Variants in CX3CL1 observed in about 807,000 individuals in gnomAD.
The protein encoded by CX3CL1 is fractalkine.
A neutral mutation model predicts 14.1 loss-of-function variants in CX3CL1; 1 was observed. The observed-to-expected ratio is 0.07, with a 90% CI of 0.03 to 0.34. CX3CL1 has a LOEUF of 0.34. Ranked by LOEUF, CX3CL1 falls within the 10% of genes least tolerant of loss-of-function variation. The pLI, the probability that CX3CL1 is intolerant of heterozygous loss-of-function variation, is 0.99. For synonymous variants in CX3CL1, 255 were observed against 229.6 expected, an observed-to-expected ratio of 1.11 and a Z score of -1.00; for missense variants, 505 against 536.4, an observed-to-expected ratio of 0.94 and a Z score of 0.58.
At chr16:57,372,680 C>A in intron 1 of CX3CL1, 42 bp downstream of exon 1, 1 of 1,602,642 alleles carries the variant, frequency 6.2e-7, no homozygotes, top group Non-Finnish European at 8.5e-7. Context: ...GTAGGGAGCC[C>A]CCAGCCCCTT....
intron 1 of CX3CL1, among the ~76,000 whole-genome samples, chr16:57,374,654 C>G (rs1165262702): frequency 1.3e-5 from 2 of 152,088 alleles, no homozygotes; most frequent in African/African-American, 2.4e-5. Context: ...TCCATTCATT[C>G]AACAAATAGT....
intron 1 of CX3CL1, 146 bp downstream of exon 1, chr16:57,372,784 G>A: frequency 2.7e-6 from 2 of 739,050 alleles, no homozygotes; most frequent in Admixed American, 2.6e-5. Flanking sequence ...TGTGCGAGAG[G>A]GGGCTGGGCA....
In CX3CL1 at chr16:57,372,510, T is replaced by C. The variant is rs1454110975; in HGVS notation, c.-59T>C. On this transcript the variant is annotated 5_prime_UTR_variant, in exon 1 of 3. Transcript: ENST00000006053. ...GCGGCAAGGGGACAGCACTGAGCTC[T>C]GCCGCCTGGCTCTAGCCGCCTGCCT... The C allele has an allele frequency of 4.5e-6, 7 of 1,539,446 alleles. No homozygotes were observed. Among genetic ancestry groups the C allele is most frequent in the African/African-American group, 1.4e-5 (1 of 73,658 alleles).
chr16:57,382,470 C>A lies in CX3CL1; in HGVS notation c.632C>A (p.Ala211Asp). The change falls in exon 3 of 3, where the codon GCT (alanine) becomes GAT (aspartate). Residue 211 changes from alanine to aspartate, a missense_variant. Ala to Asp is a moderately radical substitution (Grantham distance 126). Coordinates refer to ENST00000006053, the MANE Select transcript of CX3CL1 (RefSeq NM_002996.6). The surrounding 1 kb of genome is among the most constrained non-coding windows in gnomAD (Gnocchi z 6.9). ...CACCAACCTGGGCCCAGCCTCTGGGCTGAGGCAAAGACCTCTGAGGCCCCG... is the reference window on the plus strand; with the variant it reads ...CACCAACCTGGGCCCAGCCTCTGGGATGAGGCAAAGACCTCTGAGGCCCCG... Reference protein sequence around the residue: ...APHQPGPSLWAEAKTSEAPST... With the variant: ...APHQPGPSLWDEAKTSEAPST... 6.2e-7 allele frequency: 1 copy of A among 1,612,724 alleles called. No individual in the cohort carries two copies. The highest frequency in any genetic ancestry group is 2.2e-5 in the East Asian group (1 of 44,864).
At chr16:57,379,384 G>C in intron 1 of CX3CL1, 1 of 496,836 alleles carries the variant, frequency 2.0e-6, no homozygotes, top group Middle Eastern at 5.1e-4. Flanking sequence ...CTATAAATAA[G>C]AATTCACGTT....
chr16:57,376,085 C>T (rs537063791), intron 1 of CX3CL1, among the ~76,000 whole-genome samples: 21 of 152,298 alleles, frequency 1.4e-4, no homozygotes, highest in African/African-American at 5.1e-4. Flanking sequence ...ACATGCTGGA[C>T]ACAGGGTCCA....
In CX3CL1 at chr16:57,383,122, G is replaced by A. The variant is rs1902358863; in HGVS notation, c.*90G>A. On this transcript the variant is annotated 3_prime_UTR_variant, in exon 3 of 3. Coordinates refer to ENST00000006053, the MANE Select transcript of CX3CL1 (RefSeq NM_002996.6). Reference sequence around the variant, plus strand: ...CCACCCCCACCCAAGGGCCTGGCCTGAGCTGGGATGATTGGAGGGGGGAGG... The same window carrying A: ...CCACCCCCACCCAAGGGCCTGGCCTAAGCTGGGATGATTGGAGGGGGGAGG... 1 of 1,209,126 alleles carries A rather than the reference G, an allele frequency of 8.3e-7. No homozygotes were observed. The highest frequency in any genetic ancestry group is 1.1e-6 in the Non-Finnish European group (1 of 929,394). 74.9% of individuals were successfully genotyped at this position (1,209,126 alleles called of 1,614,324 possible). A position where few individuals can be genotyped will look rare whatever the true frequency, so the allele number is the denominator to read the frequency against.
intron 1 of CX3CL1, among the ~76,000 whole-genome samples, chr16:57,373,954 A>G (rs778410613): frequency 7.2e-5 from 11 of 151,822 alleles, no homozygotes; most frequent in Non-Finnish European, 1.0e-4. Context: ...AAGCTGAGAG[A>G]GGGAAGGGTC....
intron 1 of CX3CL1, among the ~76,000 whole-genome samples, chr16:57,373,563 T>G (rs1675993048): frequency 1.3e-5 from 2 of 152,118 alleles, no homozygotes; most frequent in African/African-American, 4.8e-5. Flanking sequence ...ACACAGCAAG[T>G]CTGGGAGAAT....
In CX3CL1 at chr16:57,382,847, G is replaced by A; in HGVS notation, c.1009G>A (p.Ala337Thr). ...LITPVPDAQAATRRQAVGLLA... is the reference protein window; with the variant it reads ...LITPVPDAQATTRRQAVGLLA... ...CACTCCTGTCCCTGACGCCCAGGCT[G>A]CCACCCGGAGGCAGGCGGTGGGGCT... Residue 337 changes from alanine to threonine, a missense_variant, in exon 3 of 3, where the codon GCC becomes ACC. By Grantham distance (58) the Ala-to-Thr change is moderately conservative. Coordinates refer to ENST00000006053, the MANE Select transcript of CX3CL1 (RefSeq NM_002996.6). This position sits in a 1 kb window ranked among gnomAD's most constrained non-coding sequence, Gnocchi z 6.9. 3 of 1,559,138 alleles carry A rather than the reference G, an allele frequency of 1.9e-6. No individual in the cohort carries two copies. Among genetic ancestry groups the A allele is most frequent in the African/African-American group, 1.4e-5 (1 of 73,452 alleles).
Position 57,382,010 on chromosome 16 carries a change from C to A in CX3CL1, c.192-20C>A. The A allele has an allele frequency of 6.4e-7, 1 of 1,555,674 alleles. No individual in the cohort carries two copies. The highest frequency in any genetic ancestry group is 1.2e-5 in the South Asian group (1 of 82,654). On this transcript the variant is annotated intron_variant, in intron 2 of 2. Coordinates refer to ENST00000006053, the MANE Select transcript of CX3CL1 (RefSeq NM_002996.6). The surrounding 1 kb of genome is among the most constrained non-coding windows in gnomAD (Gnocchi z 6.9). ...TCTGGTATCTGGGCATAACCGAATCCCTGTCTTCCTCCCTTGTAGCTTGGA... is the reference window on the plus strand; with the variant it reads ...TCTGGTATCTGGGCATAACCGAATCACTGTCTTCCTCCCTTGTAGCTTGGA...
intron 1 of CX3CL1, among the ~76,000 whole-genome samples, chr16:57,376,440 GTGGATGGATGGA>G (rs56202816): frequency 2.8e-4 from 40 of 145,218 alleles, no homozygotes; most frequent in East Asian, 1.4e-3. Context: ...GAATCAGGAA[GTGGATGGATGGA>G]TGGATGGATG....
At chr16:57,375,264 G>A (rs914375881) in intron 1 of CX3CL1, among the ~76,000 whole-genome samples, 1 of 152,168 alleles carries the variant, frequency 6.6e-6, no homozygotes, top group Non-Finnish European at 1.5e-5. Context: ...AGTTTGGAGC[G>A]GGGTGAGGGC....
At chr16:57,379,464 G>A (rs1902289202) in intron 1 of CX3CL1, 170 bp from the exon 2 acceptor site, 1 of 625,384 alleles carries the variant, frequency 1.6e-6, no homozygotes, top group African/African-American at 1.8e-5. Context: ...GGGAAACTGA[G>A]GCATAGAGAA....
intron 2 of CX3CL1, 83 bp downstream of exon 2, chr16:57,379,837 T>A (rs1376017975): frequency 1.3e-6 from 2 of 1,524,742 alleles, no homozygotes; most frequent in East Asian, 4.5e-5. Flanking sequence ...CGTCCACACC[T>A]CCGCTCCCAG....
At position 57,383,048 on chromosome 16, in the gene CX3CL1, G is replaced by C; in HGVS notation, c.*16G>C. ...GCCCGTGTGAACTCCTCTGGCCTGT[G>C]TCTAGTTGTTTGATTCAGACAGCTG... On this transcript the variant is annotated 3_prime_UTR_variant, in exon 3 of 3. Coordinates refer to ENST00000006053, the MANE Select transcript of CX3CL1 (RefSeq NM_002996.6). 7.1e-7 allele frequency: 1 copy of C among 1,399,732 alleles called. No homozygotes were observed. Among genetic ancestry groups the C allele is most frequent in the Non-Finnish European group, 9.4e-7 (1 of 1,069,098 alleles). 86.7% of individuals were successfully genotyped at this position (1,399,732 alleles called of 1,614,324 possible).
Position 57,382,797 on chromosome 16 carries a change from A to C in CX3CL1, c.959A>C (p.Asp320Ala), listed in dbSNP as rs1902350202. The C allele has an allele frequency of 6.2e-7, 1 of 1,604,134 alleles. No homozygotes were observed. The highest frequency in any genetic ancestry group is 1.7e-5 in the Admixed American group (1 of 59,528). The change falls in exon 3 of 3, where the codon GAC becomes GCC. Residue 320 changes from aspartate to alanine, a missense_variant. Transcript: ENST00000006053. This position sits in a 1 kb window ranked among gnomAD's most constrained non-coding sequence, Gnocchi z 6.9. ...GAGGAACCCATCCATGCCACCATGG[A>C]CCCCCAGAGGCTGGGCGTCCTTATC... ...KAEEPIHATM[D>A]PQRLGVLITP...
chr16:57,378,458 C>CTTTTTTTTTTTTTTTTTTT (rs56677006), intron 1 of CX3CL1: 1 of 145,256 alleles, frequency 6.9e-6, no homozygotes. Flanking sequence ...CAAGAGATCT[C>CTTTTTTTTTTTTTTTTTTT]TTTTTTTTTT....
rs200354035 is a variant in CX3CL1, at chr16:57,382,257, C to G, written c.419C>G (p.Pro140Arg). ...EATGESSSLE[P>R]TPSSQEAQRA... ...ACAGGCGAAAGCAGTAGCCTGGAGC[C>G]GACTCCTTCTTCCCAGGAAGCACAG... is the stretch of plus-strand genomic sequence containing the variant. Residue 140 changes from proline to arginine, a missense_variant, in exon 3 of 3, where the codon CCG (proline) becomes CGG (arginine). Coordinates refer to ENST00000006053, the MANE Select transcript of CX3CL1 (RefSeq NM_002996.6). The surrounding 1 kb of genome is among the most constrained non-coding windows in gnomAD (Gnocchi z 6.9). 2 of 1,609,530 alleles carry G rather than the reference C, an allele frequency of 1.2e-6. No individual in the cohort carries two copies. Among genetic ancestry groups the G allele is most frequent in the Non-Finnish European group, 8.5e-7 (1 of 1,177,272 alleles).
Sources: allele counts gnomAD v4.1 joint callset (sites outside exome capture counted in the v4.1 genomes callset), GRCh38; gene constraint gnomAD v4.1.1; non-coding constraint Gnocchi (gnomAD v3.1); transcripts MANE v1.5; gene names NCBI Gene and HGNC (gene_info 2026-07-23, HGNC 2026-07-21).